PDE4DIP: variants seen among roughly 807,000 people sequenced by gnomAD.
PDE4DIP encodes the protein myomegalin.
PDE4DIP carries 59 observed loss-of-function variants against 221.4 expected under a neutral mutation model. That is an observed-to-expected ratio of 0.27 (90% confidence interval 0.22 to 0.33). The LOEUF (loss-of-function observed/expected upper bound fraction) is 0.33. Ranked by LOEUF, PDE4DIP falls within the 10% of genes least tolerant of loss-of-function variation. The probability of loss-of-function intolerance (pLI) is 1.00; values close to 1 mark genes in which losing one functional copy is unlikely to be tolerated. For synonymous variants in PDE4DIP, 404 were observed against 815.9 expected, an observed-to-expected ratio of 0.50 and a Z score of 8.60; for missense variants, 1,036 against 2,154.2, an observed-to-expected ratio of 0.48 and a Z score of 10.28.
intron 17 of PDE4DIP, among the ~76,000 whole-genome samples, chr1:148,976,060 A>G (rs1198952233): frequency 2.0e-5 from 3 of 150,918 alleles, no homozygotes; most frequent in Non-Finnish European, 4.4e-5. Context: ...TTGTGGTTCT[A>G]CCTTAGCCAT....
exon 24 of PDE4DIP, chr1:149,001,882 C>T: frequency 6.2e-7 from 1 of 1,613,958 alleles, no homozygotes; most frequent in Non-Finnish European, 8.5e-7. Flanking sequence ...TGCATCTGAC[C>T]AGCACCATTG....
At chr1:149,020,845 T>C (rs1323117212) in intron 36 of PDE4DIP, 184 bp from the exon 40 acceptor site, 6 of 572,310 alleles carry the variant, frequency 1.0e-5, no homozygotes, top group Non-Finnish European at 1.3e-5. Context: ...TCAGCCTCCA[T>C]TTCCATATCT....
chr1:148,994,721 A>G (rs1575034878), intron 22 of PDE4DIP, among the ~76,000 whole-genome samples: 1 of 151,526 alleles, frequency 6.6e-6, no homozygotes, highest in African/African-American at 2.4e-5. Flanking sequence ...TTTATTGGCT[A>G]TAGTCACCCT....
At chr1:149,032,879 A>G (rs1378293615) in exon 44 of PDE4DIP, 1 of 208,024 alleles carries the variant, frequency 4.8e-6, no homozygotes, top group Non-Finnish European at 9.8e-6. Flanking sequence ...AATATATGAT[A>G]TAGATTTATA....
rs1261602397 is a variant in PDE4DIP, at chr1:148,979,730, T to C, written c.2575-7T>C. The C allele has an allele frequency of 1.5e-5, 24 of 1,611,764 alleles. No individual in the cohort carries two copies. Among genetic ancestry groups the C allele is most frequent in the East Asian group, 2.2e-5 (1 of 44,828 alleles). ...TGCGTATTGCTTCCTCTCTCTTCTTTACTCAGTTGCTGCTGATGCTAGAAG... is the reference window on the plus strand; with the variant it reads ...TGCGTATTGCTTCCTCTCTCTTCTTCACTCAGTTGCTGCTGATGCTAGAAG... On this transcript the variant is annotated splice_polypyrimidine_tract_variant and splice_region_variant and intron_variant, in intron 19 of 43. Coordinates refer to ENST00000369354, the Ensembl canonical transcript of PDE4DIP.
chr1:148,953,831 T>A, intron 5 of PDE4DIP: 1 of 1,566,982 alleles, frequency 6.4e-7, no homozygotes, highest in East Asian at 2.2e-5. Context: ...ACCTGTGAGT[T>A]ATCCCTTGGA....
intron 4 of PDE4DIP, among the ~76,000 whole-genome samples, chr1:148,933,490 C>G (rs1419651409): frequency 1.3e-5 from 2 of 152,288 alleles, no homozygotes; most frequent in African/African-American, 4.8e-5. Flanking sequence ...AATGTCCTCT[C>G]CACTTCCAGT....
chr1:148,990,313 A>G (rs2062765102), intron 21 of PDE4DIP: 14 of 985,082 alleles, frequency 1.4e-5, no homozygotes, highest in Non-Finnish European at 1.7e-5. Flanking sequence ...ATGAAGGGGA[A>G]GAAACAAAAC....
intron 4 of PDE4DIP, among the ~76,000 whole-genome samples, chr1:148,933,063 C>T (rs587770018): frequency 6.6e-6 from 1 of 152,154 alleles, no homozygotes; most frequent in Non-Finnish European, 1.5e-5. Flanking sequence ...GTGAGAAATA[C>T]ATTTCCGTTG....
At chr1:148,986,633 A>T (rs2061948687) in intron 21 of PDE4DIP, among the ~76,000 whole-genome samples, 1 of 152,192 alleles carries the variant, frequency 6.6e-6, no homozygotes. Flanking sequence ...AGGAAGAAGA[A>T]ACTCGAATTT....
chr1:148,927,579 G>T (rs2046995736), intron 1 of PDE4DIP, among the ~76,000 whole-genome samples: 1 of 151,968 alleles, frequency 6.6e-6, no homozygotes, highest in Admixed American at 6.5e-5. Context: ...AAGTCTAGGT[G>T]TTGGTGGTTA....
Position 148,907,139 on chromosome 1 carries a change from C to G in PDE4DIP, c.141+17245C>G, listed in dbSNP as rs1286421429. On this transcript the variant is annotated intron_variant, in intron 1 of 43. Transcript: ENST00000369354. ...TTGCATGAAATGTCTTTTTCCACCC[C>G]TTTACCTTAAGTTTATGTGAGTCCT... 2.1e-5 allele frequency among the ~76,000 whole-genome samples: 3 copies of G among 145,408 alleles called. No individual in the cohort carries two copies. In the East Asian group the frequency reaches 5.9e-4, roughly 29 times the overall value.
At chr1:148,996,889 T>C (rs1417628356) in intron 22 of PDE4DIP, among the ~76,000 whole-genome samples, 4 of 152,230 alleles carry the variant, frequency 2.6e-5, no homozygotes, top group Non-Finnish European at 4.4e-5. Flanking sequence ...TTTGTGGAAA[T>C]GCACATCAAA....
At chr1:148,826,055 C>A (rs1670462217) in intron 1 of PDE4DIP, among the ~76,000 whole-genome samples, 1 of 85,142 alleles carries the variant, frequency 1.2e-5, no homozygotes, top group Non-Finnish European at 2.4e-5. Flanking sequence ...AAACTTCGCA[C>A]CTCAGGTGAG....
intron 1 of PDE4DIP, among the ~76,000 whole-genome samples, chr1:148,922,850 T>G (rs1262784749): frequency 1.3e-5 from 2 of 151,156 alleles, no homozygotes; most frequent in East Asian, 4.1e-4. Flanking sequence ...CCTCCCAAAG[T>G]GCTGGGATTA....
At chr1:148,978,289 G>A (rs782035080) in exon 19 of PDE4DIP, 23 of 1,601,280 alleles carry the variant, frequency 1.4e-5, no homozygotes, top group Non-Finnish European at 1.9e-5. Context: ...ACCTGCAAAT[G>A]CAACTGGTTG....
intron 5 of PDE4DIP, among the ~76,000 whole-genome samples, chr1:148,938,717 T>A (rs1205606896): frequency 6.6e-6 from 1 of 151,078 alleles, no homozygotes; most frequent in Non-Finnish European, 1.5e-5. Context: ...GAAAATGTGC[T>A]GGGTACTAGT....
intron 27 of PDE4DIP, chr1:149,006,358 T>C (rs1443340834): frequency 6.6e-6 from 1 of 152,198 alleles, no homozygotes; most frequent in Admixed American, 6.5e-5. Context: ...ATGGTTTGAC[T>C]GGGCTCAGCT....
chr1:149,023,421 T>C (rs1372832060), intron 37 of PDE4DIP, among the ~76,000 whole-genome samples: 1 of 148,214 alleles, frequency 6.7e-6, no homozygotes, highest in Non-Finnish European at 1.5e-5. Context: ...CCTTTCGAAA[T>C]ACATTTGGCC....
Sources: allele counts gnomAD v4.1 joint callset (sites outside exome capture counted in the v4.1 genomes callset), GRCh38; gene constraint gnomAD v4.1.1; transcripts MANE v1.5; gene names NCBI Gene and HGNC (gene_info 2026-07-23, HGNC 2026-07-21).